The following COL21A1 variants were observed in gnomAD, a reference collection of about 807,000 sequenced individuals.
COL21A1 encodes the protein collagen alpha-1(XXI) chain.
A neutral mutation model predicts 137.9 loss-of-function variants in COL21A1; 149 were observed. The observed-to-expected ratio is 1.08, with a 90% CI of 0.95 to 1.24. COL21A1 has a LOEUF of 1.24. Ranked by LOEUF, COL21A1 falls within the 50% of genes most tolerant of loss-of-function variation. The probability of loss-of-function intolerance (pLI) is 0.00; values close to 1 mark genes in which losing one functional copy is unlikely to be tolerated. For synonymous variants in COL21A1, 456 were observed against 391.5 expected (o/e 1.16, Z -1.95); for missense variants, 1,167 against 1,158.4 (o/e 1.01, Z -0.11).
At position 56,317,913 on chromosome 6, in the gene COL21A1, C is replaced by G. The variant is rs75695375; in HGVS notation, c.-39+76058G>C. On this transcript the variant is annotated intron_variant, in intron 1 of 28. Transcript: ENST00000370819. Reference sequence around the variant, plus strand: ...GAATAGTCTATTTACAATTTTTAAGCGTGTTTTTAATTGTAGTTTTTCTTA... The same window carrying G: ...GAATAGTCTATTTACAATTTTTAAGGGTGTTTTTAATTGTAGTTTTTCTTA... Among the ~76,000 whole-genome samples the G allele has an allele frequency of 8.4e-3, 1,281 of 152,048 alleles. 26 individuals are homozygous for G. Among genetic ancestry groups the G allele is most frequent in the African/African-American group, 0.03 (1,240 of 41,494 alleles).
At chr6:56,101,629 A>G (rs1418197151) in intron 16 of COL21A1, 104 bp from the exon 17 acceptor site, 6 of 793,744 alleles carry the variant, frequency 7.6e-6, no homozygotes, top group Non-Finnish European at 1.2e-5. Context: ...AAATACAAAC[A>G]GAAAAATTAA....
At chr6:56,153,177 G>A (rs146301703) in intron 10 of COL21A1, among the ~76,000 whole-genome samples, 54 of 152,266 alleles carry the variant, frequency 3.5e-4, no homozygotes, top group African/African-American at 1.3e-3. Context: ...TAGGTTTGGA[G>A]TCTATTCCTT....
chr6:56,121,465 C>CATATGTATATATATATACATATACATAT (rs1176218984), intron 16 of COL21A1, among the ~76,000 whole-genome samples: 20 of 140,222 alleles, frequency 1.4e-4, no homozygotes, highest in Non-Finnish European at 1.5e-4. Context: ...GTTATTTTGT[C>CATATGTATATATATATACATATACATAT]ATATGTATAT....
chr6:56,078,055 TA>T (rs943735635), intron 17 of COL21A1: 28 of 455,520 alleles, frequency 6.1e-5, no homozygotes, highest in African/African-American at 5.0e-4. Context: ...AATATTCATA[TA>T]AAAAATGGCA....
In COL21A1 at chr6:56,060,736, C is replaced by A. The variant is rs1310994021; in HGVS notation, c.2407+5G>T. ...AGTTATTAAAATGCTATATTTGATA[C>A]CTACCTCTTATTACATCTGTGCAAA... On this transcript the variant is annotated splice_donor_5th_base_variant and intron_variant, in intron 27 of 29. Transcript: ENST00000244728. 5.6e-6 allele frequency: 9 copies of A among 1,595,896 alleles called. 1 individual carries two copies. Among genetic ancestry groups the A allele is most frequent in the South Asian group, 1.1e-5 (1 of 87,578 alleles).
intron 1 of COL21A1, among the ~76,000 whole-genome samples, chr6:56,319,078 C>T (rs1764809111): frequency 6.6e-6 from 1 of 152,148 alleles, no homozygotes; most frequent in Admixed American, 6.6e-5. Flanking sequence ...CAGCACTTGA[C>T]ACAGTTGATC....
intron 1 of COL21A1, among the ~76,000 whole-genome samples, chr6:56,338,487 A>G (rs1765386825): frequency 6.6e-6 from 1 of 152,074 alleles, no homozygotes; most frequent in Non-Finnish European, 1.5e-5. Context: ...TCTACCCCTC[A>G]GCATCTTGCT....
At position 56,122,092 on chromosome 6, in the gene COL21A1, C is replaced by T. The variant is rs116064050; in HGVS notation, c.1758+1970G>A. 3.3e-3 allele frequency among the ~76,000 whole-genome samples: 503 copies of T among 152,050 alleles called. 3 individuals carry two copies. The highest frequency in any genetic ancestry group is 9.8e-3 in the African/African-American group (408 of 41,482). On this transcript the variant is annotated intron_variant, in intron 16 of 29. Transcript: ENST00000244728. ...GCATTAAAAAGGAATGAAGTACTACCGATACAAGCCAAAGCATGAATGACC... is the reference window on the plus strand; with the variant it reads ...GCATTAAAAAGGAATGAAGTACTACTGATACAAGCCAAAGCATGAATGACC...
chr6:56,157,429 G>T (rs957229815), intron 9 of COL21A1, among the ~76,000 whole-genome samples: 1 of 150,294 alleles, frequency 6.7e-6, no homozygotes, highest in Non-Finnish European at 1.5e-5. Flanking sequence ...TCCTGTCTCA[G>T]CCTCTCGAGT....
At chr6:56,288,461 G>C (rs1763965848) in intron 1 of COL21A1, among the ~76,000 whole-genome samples, 1 of 152,144 alleles carries the variant, frequency 6.6e-6, no homozygotes, top group Non-Finnish European at 1.5e-5. Flanking sequence ...AAGTAAAAAT[G>C]ATTCCTGCAA....
intron 1 of COL21A1, among the ~76,000 whole-genome samples, chr6:56,232,629 G>GA (rs945457001): frequency 6.6e-6 from 1 of 151,948 alleles, no homozygotes; most frequent in Non-Finnish European, 1.5e-5. Flanking sequence ...CGTTCATCCT[G>GA]AAAAACAGAC....
intron 7 of COL21A1, among the ~76,000 whole-genome samples, chr6:56,166,216 GTTATA>G (rs141235901): frequency 0.017 from 2,574 of 151,888 alleles, 72 homozygotes; most frequent in African/African-American, 0.059. Context: ...TTATTATATT[GTTATA>G]TTATATTATA....
chr6:56,094,252 G>A (rs1769124947), intron 17 of COL21A1, among the ~76,000 whole-genome samples: 1 of 152,060 alleles, frequency 6.6e-6, no homozygotes, highest in Non-Finnish European at 1.5e-5. Context: ...ACAACTGCAG[G>A]ACATCATTTA....
Position 56,174,320 on chromosome 6 carries a change from AT to A in COL21A1, c.641-3193del, listed in dbSNP as rs562174370. 1.6e-4 allele frequency among the ~76,000 whole-genome samples: 24 copies of A among 152,228 alleles called. No individual in the cohort carries two copies. The South Asian group carries it at 3.3e-3, about 21-fold the overall frequency. Reference sequence around the variant, plus strand: ...GCCCGAAGTTAGCAGGAGGAAAAAAATAATTTAGATTTAAGCAGTAATAAAT... The same window carrying A: ...GCCCGAAGTTAGCAGGAGGAAAAAAAAATTTAGATTTAAGCAGTAATAAAT... On this transcript the variant is annotated intron_variant, in intron 3 of 29. Coordinates refer to ENST00000244728, the MANE Select transcript of COL21A1 (RefSeq NM_030820.4).
At chr6:56,308,123 T>C (rs1266578020) in intron 1 of COL21A1, among the ~76,000 whole-genome samples, 1 of 152,244 alleles carries the variant, frequency 6.6e-6, no homozygotes, top group African/African-American at 2.4e-5. Context: ...TGAGGCCTTT[T>C]GGCGAGTGAT....
intron 2 of COL21A1, among the ~76,000 whole-genome samples, chr6:56,180,778 T>C (rs1777833205): frequency 6.6e-6 from 1 of 152,210 alleles, no homozygotes; most frequent in African/African-American, 2.4e-5. Flanking sequence ...AGGCTATAAA[T>C]AATAACTATT....
chr6:56,268,102 A>C (rs1763437154), intron 1 of COL21A1, among the ~76,000 whole-genome samples: 1 of 152,148 alleles, frequency 6.6e-6, no homozygotes, highest in African/African-American at 2.4e-5. Context: ...TGGAAGTGTC[A>C]ATTCAAGCGG....
At chr6:56,185,731 G>A (rs1403827069) in intron 1 of COL21A1, among the ~76,000 whole-genome samples, 1 of 151,986 alleles carries the variant, frequency 6.6e-6, no homozygotes, top group African/African-American at 2.4e-5. Context: ...CACCGCGCCC[G>A]GCCTGAACAA....
At position 56,216,003 on chromosome 6, in the gene COL21A1, A is replaced by T. The variant is rs570075580; in HGVS notation, c.-39+31384T>A. 2.4e-4 allele frequency among the ~76,000 whole-genome samples: 37 copies of T among 152,188 alleles called. 1 individual carries two copies. The South Asian group carries it at 7.5e-3, about 31-fold the overall frequency. ...TTAAAGCCAATAATTCTCTAACCTCACAATTCCTTACATGTTACAGGCAAT... is the reference window on the plus strand; with the variant it reads ...TTAAAGCCAATAATTCTCTAACCTCTCAATTCCTTACATGTTACAGGCAAT... On this transcript the variant is annotated intron_variant, in intron 1 of 29. Coordinates refer to ENST00000244728, the MANE Select transcript of COL21A1 (RefSeq NM_030820.4).
Sources: allele counts gnomAD v4.1 joint callset (sites outside exome capture counted in the v4.1 genomes callset), GRCh38; gene constraint gnomAD v4.1.1; transcripts MANE v1.5; gene names NCBI Gene and HGNC (gene_info 2026-07-23, HGNC 2026-07-21).